ATG4A: variants seen among roughly 807,000 people sequenced by gnomAD.
The protein encoded by ATG4A is autophagy related 4A cysteine peptidase, also known as cysteine protease ATG4A.
ATG4A carries 22 observed loss-of-function variants against 38.4 expected under a neutral mutation model. That is an observed-to-expected ratio of 0.57 (90% CI 0.41 to 0.82). ATG4A has a LOEUF of 0.82. Ranked by LOEUF, ATG4A falls within the 40% of genes least tolerant of loss-of-function variation. ATG4A has a pLI of 0.00. For synonymous variants in ATG4A, 86 were observed against 100.7 expected, an observed-to-expected ratio of 0.85 and a Z score of 0.88; for missense variants, 220 against 290.0, an observed-to-expected ratio of 0.76 and a Z score of 1.75.
At chrX:108,148,957 G>A (rs2033509528) in intron 9 of ATG4A, among the ~76,000 whole-genome samples, 1 of 112,685 alleles carries the variant, frequency 8.9e-6, no homozygotes, top group Non-Finnish European at 1.9e-5. Context: ...TCACAGAGGT[G>A]AAATCTTCTG....
intron 1 of ATG4A, among the ~76,000 whole-genome samples, chrX:108,100,447 T>G (rs2147959591): frequency 9.0e-6 from 1 of 111,348 alleles, no homozygotes; most frequent in African/African-American, 3.3e-5. Context: ...TGATATTTCT[T>G]CCTTTCCACT....
rs1180200243 is a variant in ATG4A, at chrX:108,141,058, GTGTATA to G, written c.814+2869_814+2874del. On this transcript the variant is annotated intron_variant, in intron 9 of 12. Transcript: ENST00000372232. ...TATATACATATATATACATATATAC[GTGTATA>G]TATATACATATATATATATATATAT... Among the ~76,000 whole-genome samples the G allele has an allele frequency of 1.6e-4, 5 of 30,572 alleles. No individual in the cohort carries two copies. In the South Asian group the frequency reaches 5.1e-3, roughly 31 times the overall value. 26.5% of individuals were successfully genotyped at this position (30,572 alleles called of 115,157 possible). A position where few individuals can be genotyped will look rare whatever the true frequency, so the allele number is the denominator to read the frequency against.
chrX:108,133,906 G>A, intron 4 of ATG4A, 151 bp from the exon 5 acceptor site: 1 of 434,710 alleles, frequency 2.3e-6, no homozygotes, highest in Non-Finnish European at 3.9e-6. Flanking sequence ...TCATCAAAAT[G>A]AAAGATACTT....
At chrX:108,137,033 T>C in intron 6 of ATG4A, 58 bp from the exon 7 acceptor site, 1 of 1,030,351 alleles carries the variant, frequency 9.7e-7, no homozygotes, top group South Asian at 2.0e-5. Context: ...AATTGTACTG[T>C]TTTCTGCTGA....
chrX:108,128,040 TTTTA>T (rs775509211), intron 2 of ATG4A, among the ~76,000 whole-genome samples: 1 of 112,632 alleles, frequency 8.9e-6, no homozygotes, highest in African/African-American at 3.2e-5. Context: ...GACATTTCCT[TTTTA>T]TTTAAACATG....
chrX:108,100,807 C>A (rs1220283083), intron 1 of ATG4A, among the ~76,000 whole-genome samples: 1 of 111,478 alleles, frequency 9.0e-6, no homozygotes, highest in Non-Finnish European at 1.9e-5. Context: ...CTCATATTTG[C>A]TGGGGATATT....
chrX:108,145,834 C>T (rs1474690594), intron 9 of ATG4A, among the ~76,000 whole-genome samples: 2 of 112,139 alleles, frequency 1.8e-5, no homozygotes, highest in Non-Finnish European at 3.8e-5. Flanking sequence ...TGCATTCTGG[C>T]ACTGGGGAAA....
chrX:108,091,383 C>A, upstream of ATG4A: 4 of 1,192,325 alleles, frequency 3.4e-6, no homozygotes, highest in Non-Finnish European at 4.6e-6. Context: ...TCGCCGACTG[C>A]GGAGAGACCT....
chrX:108,147,685 A>C (rs774894743), intron 9 of ATG4A, among the ~76,000 whole-genome samples: 82 of 111,260 alleles, frequency 7.4e-4, no homozygotes, highest in African/African-American at 2.7e-3. Context: ...GCAACCAACT[A>C]GCTTCATTAT....
intron 6 of ATG4A, among the ~76,000 whole-genome samples, chrX:108,136,003 C>T (rs1431475198): frequency 9.1e-6 from 1 of 110,341 alleles, no homozygotes; most frequent in Non-Finnish European, 1.9e-5. Flanking sequence ...AGGCTGGTCT[C>T]GAACTTCTGA....
upstream of ATG4A, chrX:108,091,389 G>C (rs369152539): frequency 7.5e-6 from 9 of 1,197,678 alleles, no homozygotes; most frequent in Non-Finnish European, 1.0e-5. Flanking sequence ...ACTGCGGAGA[G>C]ACCTAGCGTT....
Position 108,095,405 on chromosome X carries a change from A to G in ATG4A, c.10+3569A>G, listed in dbSNP as rs183071902. ...ACACTCAGCCAATTTATGATTTTTT[A>G]TAGATACAGGGTCTCACTATGTTGC... On this transcript the variant is annotated intron_variant, in intron 1 of 12. Transcript: ENST00000372232. 4.0e-3 allele frequency among the ~76,000 whole-genome samples: 443 copies of G among 111,200 alleles called. 3 individuals are homozygous for G. The highest frequency in any genetic ancestry group is 4.8e-3 in the Non-Finnish European group (252 of 52,917).
In ATG4A at chrX:108,151,826, G is replaced by C. The variant is rs2033595192; in HGVS notation, c.985G>C (p.Asp329His). 2 of 1,208,321 alleles carry C rather than the reference G, an allele frequency of 1.7e-6. No individual in the cohort carries two copies. Among genetic ancestry groups the C allele is most frequent in the African/African-American group, 1.7e-5 (1 of 57,438 alleles). Reference sequence around the variant, plus strand: ...GGGATTTTTCTGCAAAGAAGAAAAAGACTTTGATAACTGGTGTAGCCTTGT... The same window carrying C: ...GGGATTTTTCTGCAAAGAAGAAAAACACTTTGATAACTGGTGTAGCCTTGT... Reference protein sequence around the residue: ...ALGFFCKEEKDFDNWCSLVQK... With the variant: ...ALGFFCKEEKHFDNWCSLVQK... Residue 329 changes from aspartate (D) to histidine (H), a missense_variant, in exon 11 of 13, where the codon GAC (aspartate) becomes CAC (histidine). Transcript: ENST00000372232.
intron 9 of ATG4A, among the ~76,000 whole-genome samples, chrX:108,146,844 A>C (rs1263745160): frequency 9.0e-6 from 1 of 111,379 alleles, no homozygotes; most frequent in African/African-American, 3.3e-5. Flanking sequence ...CAAGCAAATA[A>C]GCTATTAGAA....
chrX:108,140,298 AC>A (rs1214862244), intron 9 of ATG4A, among the ~76,000 whole-genome samples: 1 of 110,478 alleles, frequency 9.1e-6, no homozygotes, highest in African/African-American at 3.3e-5. Context: ...GTTCTTTAAT[AC>A]CCCAAGACAG....
intron 6 of ATG4A, 125 bp from the exon 7 acceptor site, chrX:108,136,966 C>T: frequency 2.0e-6 from 1 of 503,159 alleles, no homozygotes; most frequent in East Asian, 4.7e-5. Context: ...CAGAGCTGAC[C>T]TGAACACCAG....
At chrX:108,138,450 C>T (rs1379883202) in intron 9 of ATG4A, among the ~76,000 whole-genome samples, 1 of 112,107 alleles carries the variant, frequency 8.9e-6, no homozygotes, top group Non-Finnish European at 1.9e-5. Flanking sequence ...CACTGGATAG[C>T]CCCAAGGTCA....
chrX:108,100,610 T>C (rs541230589), intron 1 of ATG4A, among the ~76,000 whole-genome samples: 1 of 111,644 alleles, frequency 9.0e-6, no homozygotes, highest in African/African-American at 3.2e-5. Flanking sequence ...GTCTGAGTGT[T>C]TTTATCATGA....
intron 1 of ATG4A, among the ~76,000 whole-genome samples, chrX:108,104,219 A>G (rs1028960563): frequency 1.4e-4 from 16 of 112,219 alleles, no homozygotes; most frequent in Non-Finnish European, 2.6e-4. Flanking sequence ...AGTATTCTGT[A>G]TTTTTCTACA....
Sources: gnomAD v4.1 joint callset for allele counts (sites outside exome capture counted in the v4.1 genomes callset) on GRCh38, gnomAD v4.1.1 for gene constraint, MANE v1.5 for transcripts, NCBI Gene and HGNC (gene_info 2026-07-23, HGNC 2026-07-21) for gene names.